Variants in TRAPPC9 observed in about 807,000 individuals in gnomAD.
TRAPPC9 encodes trafficking protein particle complex subunit 9.
In TRAPPC9, 83 loss-of-function variants were observed where a neutral mutation model predicts 124.0. The ratio of observed to expected loss-of-function variants is 0.67; its 90% confidence interval spans 0.56 to 0.80. The LOEUF (loss-of-function observed/expected upper bound fraction) is 0.80. Ranked by LOEUF, TRAPPC9 falls within the 30% of genes least tolerant of loss-of-function variation. The pLI is 0.00. For synonymous variants in TRAPPC9, 638 were observed against 617.5 expected, an observed-to-expected ratio of 1.03 and a Z score of -0.49; for missense variants, 1,302 against 1,508.3, an observed-to-expected ratio of 0.86 and a Z score of 2.27.
intron 12 of TRAPPC9, among the ~76,000 whole-genome samples, chr8:140,288,412 T>C (rs1445557128): frequency 1.3e-5 from 2 of 152,226 alleles, no homozygotes; most frequent in African/African-American, 4.8e-5. Context: ...TATCAACTTA[T>C]TTCGGTATGT....
chr8:139,938,901 T>C (rs374846081), intron 19 of TRAPPC9, among the ~76,000 whole-genome samples: 1 of 152,144 alleles, frequency 6.6e-6, no homozygotes, highest in African/African-American at 2.4e-5. Context: ...CGCCTCGGCC[T>C]CCCAAAGTGC....
intron 19 of TRAPPC9, among the ~76,000 whole-genome samples, chr8:139,948,083 G>T (rs1036957945): frequency 1.3e-5 from 2 of 151,436 alleles, no homozygotes; most frequent in African/African-American, 2.4e-5. Flanking sequence ...TTCCTTATCT[G>T]TGGAGTGCGA....
At chr8:140,351,366 A>G (rs2067569667) in intron 9 of TRAPPC9, among the ~76,000 whole-genome samples, 1 of 143,924 alleles carries the variant, frequency 6.9e-6, no homozygotes, top group African/African-American at 2.5e-5. Flanking sequence ...TCTGTGCTGA[A>G]CGTGTGTAGT....
intron 17 of TRAPPC9, among the ~76,000 whole-genome samples, chr8:140,111,584 C>G (rs974807515): frequency 6.6e-6 from 1 of 152,254 alleles, no homozygotes; most frequent in Non-Finnish European, 1.5e-5. Flanking sequence ...ACGCCCAGAG[C>G]AGGTCTCCCT....
chr8:139,963,246 C>T (rs1338914161), intron 19 of TRAPPC9, among the ~76,000 whole-genome samples: 1 of 152,126 alleles, frequency 6.6e-6, no homozygotes, highest in Non-Finnish European at 1.5e-5. Context: ...TCATGCTCTC[C>T]CTTGGAGCCT....
chr8:140,391,110 A>G (rs938688089), intron 7 of TRAPPC9, among the ~76,000 whole-genome samples: 1 of 152,186 alleles, frequency 6.6e-6, no homozygotes, highest in Non-Finnish European at 1.5e-5. Context: ...CAAAAATTTT[A>G]AAGAGGCTAT....
At chr8:140,432,855 G>C (rs2070694447) in intron 4 of TRAPPC9, among the ~76,000 whole-genome samples, 1 of 150,922 alleles carries the variant, frequency 6.6e-6, no homozygotes, top group Non-Finnish European at 1.5e-5. Context: ...CTGGGCAACA[G>C]AGCAAGACTC....
At chr8:140,313,253 G>A (rs1305441686) in intron 9 of TRAPPC9, among the ~76,000 whole-genome samples, 1 of 152,160 alleles carries the variant, frequency 6.6e-6, no homozygotes, top group Non-Finnish European at 1.5e-5. Flanking sequence ...GTTAGGCAGA[G>A]CACTTATGGT....
chr8:140,025,257 C>T (rs549357333), intron 17 of TRAPPC9, among the ~76,000 whole-genome samples: 44 of 152,350 alleles, frequency 2.9e-4, no homozygotes, highest in South Asian at 2.1e-4. Context: ...CAGGACCCTC[C>T]GGAAGCAGAG....
At chr8:139,970,773 G>A (rs1437877279) in intron 19 of TRAPPC9, among the ~76,000 whole-genome samples, 2 of 152,156 alleles carry the variant, frequency 1.3e-5, no homozygotes, top group Non-Finnish European at 2.9e-5. Flanking sequence ...GTAGAGTCAC[G>A]TGCCAGGCCT....
Position 140,063,526 on chromosome 8 carries a change from G to A in TRAPPC9, c.2557-39447C>T, listed in dbSNP as rs1311737229. On this transcript the variant is annotated intron_variant, in intron 17 of 22. Coordinates refer to ENST00000438773, the MANE Select transcript of TRAPPC9 (RefSeq NM_001160372.4). The surrounding 1 kb of genome is among the most constrained non-coding windows in gnomAD (Gnocchi z 4.3). ...CTTATCCAAGCCTATACCATAAGAG[G>A]CCCAGGAGAAATGTTTGTTGAATGG... 6.6e-6 allele frequency among the ~76,000 whole-genome samples: 1 copy of A among 152,100 alleles called. No homozygotes were observed. The highest frequency in any genetic ancestry group is 1.5e-5 in the Non-Finnish European group (1 of 68,028).
intron 15 of TRAPPC9, among the ~76,000 whole-genome samples, chr8:140,267,449 A>G: frequency 6.6e-6 from 1 of 152,230 alleles, no homozygotes; most frequent in Non-Finnish European, 1.5e-5. Context: ...TAAGAGTGTC[A>G]ATACTACGTA....
At chr8:140,007,052 G>A (rs1305215379) in intron 18 of TRAPPC9, among the ~76,000 whole-genome samples, 1 of 152,156 alleles carries the variant, frequency 6.6e-6, no homozygotes, top group Non-Finnish European at 1.5e-5. Context: ...GGAAGCAGGG[G>A]CGCCCAGGAA....
intron 21 of TRAPPC9, 43 bp from the exon 22 acceptor site, chr8:139,732,245 C>A (rs374602903): frequency 6.7e-7 from 1 of 1,496,942 alleles, no homozygotes; most frequent in East Asian, 2.4e-5. Context: ...CTGGCCTGCA[C>A]GGCCCAGCCG....
At chr8:139,902,840 T>C (rs931110421) in intron 20 of TRAPPC9, among the ~76,000 whole-genome samples, 4 of 152,144 alleles carry the variant, frequency 2.6e-5, no homozygotes, top group African/African-American at 9.7e-5. Flanking sequence ...AACTCCTCCT[T>C]ACTGGAAAGA....
In TRAPPC9 at chr8:140,018,686, T is replaced by C. The variant is rs1236661527; in HGVS notation, c.2699+5251A>G. On this transcript the variant is annotated intron_variant, in intron 18 of 22. Coordinates refer to ENST00000438773, the MANE Select transcript of TRAPPC9 (RefSeq NM_001160372.4). ...GCAATCTTGCTAAATTGACTTATTA[T>C]TTCTACTAATTTCTTTGGTGTGGCA... Among the ~76,000 whole-genome samples, 3 of 152,206 alleles carry C rather than the reference T, an allele frequency of 2.0e-5. No homozygotes were observed. In the East Asian group the frequency reaches 5.8e-4, roughly 29 times the overall value.
Position 139,845,966 on chromosome 8 carries a change from G to A in TRAPPC9, c.3055+39913C>T, listed in dbSNP as rs574525312. Among the ~76,000 whole-genome samples, 31 of 152,356 alleles carry A rather than the reference G, an allele frequency of 2.0e-4. No homozygotes were observed. In the East Asian group the frequency reaches 2.3e-3, roughly 11 times the overall value. ...AGGAGACACTCTGAAGAGGGAGCAG[G>A]AAGGACCAGAGCACCAGGGAAGGCT... On this transcript the variant is annotated intron_variant, in intron 21 of 22. Coordinates refer to ENST00000438773, the MANE Select transcript of TRAPPC9 (RefSeq NM_001160372.4).
chr8:140,033,574 G>T (rs569277645), intron 17 of TRAPPC9, among the ~76,000 whole-genome samples: 6 of 146,368 alleles, frequency 4.1e-5, no homozygotes, highest in African/African-American at 1.5e-4. Flanking sequence ...TTCATCCAGG[G>T]AAATCTCCAA....
chr8:139,768,998 C>T (rs1399011168), intron 21 of TRAPPC9, among the ~76,000 whole-genome samples: 1 of 152,180 alleles, frequency 6.6e-6, no homozygotes, highest in Non-Finnish European at 1.5e-5. Flanking sequence ...GGAGCGAGGC[C>T]TCAGAAGAAA....
Sources: allele counts gnomAD v4.1 joint callset (sites outside exome capture counted in the v4.1 genomes callset), GRCh38; gene constraint gnomAD v4.1.1; non-coding constraint Gnocchi (gnomAD v3.1); transcripts MANE v1.5; gene names NCBI Gene and HGNC (gene_info 2026-07-23, HGNC 2026-07-21).